The following NTRK3 variants were observed in gnomAD, a reference collection of about 807,000 sequenced individuals.
NTRK3 encodes the protein neurotrophic receptor tyrosine kinase 3, also known as NT-3 growth factor receptor.
A neutral mutation model predicts 91.7 loss-of-function variants in NTRK3; 24 were observed. The observed-to-expected ratio is 0.26, with a 90% CI of 0.19 to 0.37. NTRK3 has a LOEUF of 0.37. Ranked by LOEUF, NTRK3 falls within the 10% of genes least tolerant of loss-of-function variation. The probability of loss-of-function intolerance (pLI) is 1.00; values close to 1 mark genes in which losing one functional copy is unlikely to be tolerated. For synonymous variants in NTRK3, 483 were observed against 404.0 expected (o/e 1.20, Z -2.34); for missense variants, 880 against 1,068.9 (o/e 0.82, Z 2.46).
exon 19 of NTRK3, chr15:87,873,430 C>T: frequency 4.3e-6 from 1 of 231,018 alleles, no homozygotes; most frequent in Non-Finnish European, 8.6e-6. Context: ...CAACACCCTA[C>T]TCCAAGGTGG....
At position 87,973,725 on chromosome 15, in the gene NTRK3, C is replaced by G. The variant is rs2073458076; in HGVS notation, c.1586-32972G>C. ...CTGGACAGTCTAGATGGAAGCCAGA[C>G]TCCCCATTGTTCTCCACCTTCCTCC... On this transcript the variant is annotated intron_variant, in intron 14 of 18. Transcript: ENST00000394480. 2.6e-5 allele frequency among the ~76,000 whole-genome samples: 4 copies of G among 152,220 alleles called. No homozygotes were observed. In the South Asian group the frequency reaches 6.2e-4, roughly 24 times the overall value.
intron 14 of NTRK3, among the ~76,000 whole-genome samples, chr15:87,969,718 C>T (rs2073102750): frequency 6.6e-6 from 1 of 152,210 alleles, no homozygotes; most frequent in South Asian, 2.1e-4. Context: ...AGGCAACTCC[C>T]TGGAGAATGA....
chr15:87,915,953 C>T (rs779680400), intron 17 of NTRK3, among the ~76,000 whole-genome samples: 1 of 152,266 alleles, frequency 6.6e-6, no homozygotes, highest in Non-Finnish European at 1.5e-5. Context: ...GGGTGCTCGG[C>T]CCATCTGCTC....
At chr15:87,960,949 C>T (rs1039177749) in intron 14 of NTRK3, among the ~76,000 whole-genome samples, 3 of 152,214 alleles carry the variant, frequency 2.0e-5, no homozygotes, top group African/African-American at 4.8e-5. Context: ...ACTTCTACCA[C>T]TTCACCCCCC....
Position 88,127,151 on chromosome 15 carries a change from A to G in NTRK3, c.1293+11T>C. 1 of 1,612,520 alleles carries G rather than the reference A, an allele frequency of 6.2e-7. No individual in the cohort carries two copies. ...AGTCAACACACTCCTCTTGACCAAG[A>G]AGTGACTCACCCCAAAAGTGTCTTC... On this transcript the variant is annotated intron_variant, in intron 12 of 18. Transcript: ENST00000394480.
At chr15:87,959,483 G>A (rs1338206943) in intron 14 of NTRK3, among the ~76,000 whole-genome samples, 1 of 152,208 alleles carries the variant, frequency 6.6e-6, no homozygotes, top group East Asian at 1.9e-4. Context: ...CTGAAACCAA[G>A]GCAGGCGTGC....
intron 9 of NTRK3, 111 bp from the exon 10 acceptor site, chr15:88,135,508 A>T (rs1423118506): frequency 1.0e-5 from 13 of 1,245,762 alleles, no homozygotes; most frequent in Non-Finnish European, 1.5e-5. Flanking sequence ...CACTCTGAAA[A>T]GGCTGAGGGA....
intron 13 of NTRK3, among the ~76,000 whole-genome samples, chr15:88,078,880 G>A (rs932895157): frequency 6.6e-6 from 1 of 152,230 alleles, no homozygotes; most frequent in African/African-American, 2.4e-5. Context: ...GACGAGCACG[G>A]GGGAAAGTGG....
chr15:88,133,893 T>G (rs1453280552), intron 10 of NTRK3, among the ~76,000 whole-genome samples: 1 of 152,198 alleles, frequency 6.6e-6, no homozygotes, highest in Non-Finnish European at 1.5e-5. Context: ...CGGCAAGAAT[T>G]TAGCTTAATG....
At chr15:87,997,322 G>T (rs2075778354) in intron 14 of NTRK3, among the ~76,000 whole-genome samples, 1 of 152,164 alleles carries the variant, frequency 6.6e-6, no homozygotes, top group Non-Finnish European at 1.5e-5. Flanking sequence ...AGTGTCCTAA[G>T]AAGAGAGAGA....
intron 14 of NTRK3, among the ~76,000 whole-genome samples, chr15:88,003,278 T>C (rs1312775322): frequency 6.6e-6 from 1 of 152,180 alleles, no homozygotes; most frequent in Non-Finnish European, 1.5e-5. Context: ...TGAACAATAC[T>C]ATGAACCTGT....
At chr15:88,038,921 G>A (rs562546259) in intron 13 of NTRK3, among the ~76,000 whole-genome samples, 1 of 152,278 alleles carries the variant, frequency 6.6e-6, no homozygotes, top group Admixed American at 6.5e-5. Flanking sequence ...CCCTCTAGGG[G>A]AGGAAGCATT....
intron 14 of NTRK3, among the ~76,000 whole-genome samples, chr15:87,967,020 A>G (rs764521020): frequency 4.6e-5 from 7 of 152,244 alleles, no homozygotes; most frequent in African/African-American, 7.2e-5. Context: ...ATCACCCCCA[A>G]TTGAAAACCA....
At chr15:88,253,141 C>G (rs2053605814) in intron 3 of NTRK3, 1 of 152,194 alleles carries the variant, frequency 6.6e-6, no homozygotes, top group Admixed American at 6.5e-5. Flanking sequence ...CAAGCTATAC[C>G]CTGGGGCAGC....
chr15:88,250,680 G>A (rs1334101144), intron 3 of NTRK3, among the ~76,000 whole-genome samples: 2 of 152,010 alleles, frequency 1.3e-5, no homozygotes, highest in East Asian at 3.9e-4. Flanking sequence ...GAGAGCCAGG[G>A]GCTTCAGGAC....
chr15:87,903,523 C>G (rs2066577228), intron 17 of NTRK3, among the ~76,000 whole-genome samples: 1 of 152,192 alleles, frequency 6.6e-6, no homozygotes, highest in Non-Finnish European at 1.5e-5. Context: ...TGCTCTGAGA[C>G]ACTATATTTC....
chr15:88,076,187 T>C (rs565860181), intron 13 of NTRK3, among the ~76,000 whole-genome samples: 1 of 152,332 alleles, frequency 6.6e-6, no homozygotes, highest in East Asian at 1.9e-4. Flanking sequence ...GGAAGCAAGA[T>C]ATGTTTTACA....
chr15:88,161,949 C>G (rs926929173), intron 5 of NTRK3, among the ~76,000 whole-genome samples: 1 of 152,160 alleles, frequency 6.6e-6, no homozygotes, highest in African/African-American at 2.4e-5. Context: ...GCTGAGGAAT[C>G]CCCTCTGTGT....
intron 3 of NTRK3, among the ~76,000 whole-genome samples, chr15:88,199,219 G>A (rs2048083533): frequency 6.6e-6 from 1 of 152,088 alleles, no homozygotes; most frequent in Admixed American, 6.5e-5. Flanking sequence ...TATGGAAGTA[G>A]TTCACTACTT....
Sources: gnomAD v4.1 joint callset for allele counts (sites outside exome capture counted in the v4.1 genomes callset) on GRCh38, gnomAD v4.1.1 for gene constraint, MANE v1.5 for transcripts, NCBI Gene and HGNC (gene_info 2026-07-23, HGNC 2026-07-21) for gene names.